Variants in TENM3 observed in about 807,000 individuals in gnomAD.
The protein encoded by TENM3 is teneurin-3.
In TENM3, 63 loss-of-function variants were observed where a neutral mutation model predicts 255.1. The observed-to-expected ratio is 0.25, with a 90% confidence interval of 0.20 to 0.30. The LOEUF (loss-of-function observed/expected upper bound fraction) is 0.30, where lower values mean the gene tolerates loss of function less well. Among genes scored for constraint, TENM3 ranks in the 10% least tolerant of loss-of-function variants. The probability of loss-of-function intolerance (pLI) is 1.00; values close to 1 mark genes in which losing one functional copy is unlikely to be tolerated. For synonymous variants in TENM3, 1,306 were observed against 1,322.3 expected (o/e 0.99, Z 0.27); for missense variants, 2,929 against 3,461.1 (o/e 0.85, Z 3.86).
the TENM3 span, among the ~76,000 whole-genome samples, chr4:181,766,699 C>G: frequency 6.6e-6 from 1 of 150,690 alleles, no homozygotes; most frequent in African/African-American, 2.4e-5. Flanking sequence ...AACACTGTAC[C>G]AACAGAAGGG....
the TENM3 span, among the ~76,000 whole-genome samples, chr4:182,073,773 AG>A: frequency 6.6e-6 from 1 of 152,140 alleles, no homozygotes; most frequent in Non-Finnish European, 1.5e-5. Flanking sequence ...TCCTTACCCC[AG>A]GGAGAAATTG....
At chr4:182,009,939 G>GA in the TENM3 span, among the ~76,000 whole-genome samples, 1 of 151,896 alleles carries the variant, frequency 6.6e-6, no homozygotes, top group Non-Finnish European at 1.5e-5. Context: ...CCTTGGCTGG[G>GA]GGGAGGGGGT....
At chr4:181,460,290 G>T in the TENM3 span, among the ~76,000 whole-genome samples, 2 of 151,902 alleles carry the variant, frequency 1.3e-5, no homozygotes, top group Non-Finnish European at 2.9e-5. Flanking sequence ...TTCCAAACGT[G>T]CTAGGGTTAA....
intron 5 of TENM3, among the ~76,000 whole-genome samples, chr4:182,640,138 T>TA (rs1752175216): frequency 6.6e-6 from 1 of 152,182 alleles, no homozygotes; most frequent in Admixed American, 6.5e-5. Context: ...CATATCAAGA[T>TA]ACACTGATTT....
At chr4:182,715,191 A>G (rs750607604) in intron 13 of TENM3, among the ~76,000 whole-genome samples, 11 of 152,162 alleles carry the variant, frequency 7.2e-5, no homozygotes, top group Admixed American at 3.9e-4. Flanking sequence ...CCAGCTGTTC[A>G]GTTTTGACAT....
At chr4:182,582,151 T>C (rs1321342196) in intron 3 of TENM3, among the ~76,000 whole-genome samples, 1 of 152,226 alleles carries the variant, frequency 6.6e-6, no homozygotes, top group African/African-American at 2.4e-5. Flanking sequence ...CTTTGCTGGA[T>C]AGCACTCTGA....
At chr4:182,270,195 C>T (rs1049206271) in intron 1 of TENM3, among the ~76,000 whole-genome samples, 3 of 152,212 alleles carry the variant, frequency 2.0e-5, no homozygotes, top group African/African-American at 7.2e-5. Flanking sequence ...CTCTTCAGAC[C>T]TTAGAAGGTA....
At position 182,280,046 on chromosome 4, in the gene TENM3, C is replaced by A. The variant is rs542716600; in HGVS notation, c.-76+36570C>A. The stretch of plus-strand genomic sequence containing the variant: ...AGCCATGGGTAGAATTTTTCCTGAA[C>A]ATTTTCTCAGAGATTGGAGTGTCCT... On this transcript the variant is annotated intron_variant, in intron 1 of 27. Coordinates refer to ENST00000511685, the MANE Select transcript of TENM3 (RefSeq NM_001080477.4). Among the ~76,000 whole-genome samples the A allele has an allele frequency of 3.3e-5, 5 of 152,290 alleles. No homozygotes were observed. The South Asian group carries it at 1.0e-3, about 32-fold the overall frequency.
At chr4:182,761,312 G>A (rs1444364764) in intron 22 of TENM3, among the ~76,000 whole-genome samples, 2 of 152,002 alleles carry the variant, frequency 1.3e-5, no homozygotes, top group Non-Finnish European at 2.9e-5. Flanking sequence ...CCAGCTACTC[G>A]GGAGGCTGAG....
chr4:181,526,727 G>A, the TENM3 span, among the ~76,000 whole-genome samples: 10 of 152,200 alleles, frequency 6.6e-5, no homozygotes, highest in South Asian at 2.1e-3. Flanking sequence ...TATAGGATTG[G>A]TTAAGAGGAA....
upstream of TENM3, among the ~76,000 whole-genome samples, chr4:182,239,184 C>T (rs1757090422): frequency 6.6e-6 from 1 of 151,816 alleles, no homozygotes; most frequent in African/African-American, 2.4e-5. Context: ...TCAAGTGATT[C>T]TCCTGTCTTA....
chr4:182,402,533 C>T (rs899030320), intron 3 of TENM3, among the ~76,000 whole-genome samples: 3 of 152,056 alleles, frequency 2.0e-5, no homozygotes, highest in African/African-American at 7.2e-5. Flanking sequence ...ACATTCATGG[C>T]CCAAAATAAA....
intron 1 of TENM3, among the ~76,000 whole-genome samples, chr4:182,245,818 C>T (rs1338574141): frequency 6.6e-6 from 1 of 152,160 alleles, no homozygotes; most frequent in Non-Finnish European, 1.5e-5. Context: ...TTAACTTTTC[C>T]GTTGATGAGC....
the TENM3 span, among the ~76,000 whole-genome samples, chr4:181,951,148 A>C: frequency 1.3e-5 from 2 of 152,346 alleles, no homozygotes; most frequent in South Asian, 2.1e-4. Flanking sequence ...TTTCTTTATT[A>C]ATTTCCCACA....
the TENM3 span, among the ~76,000 whole-genome samples, chr4:181,541,936 G>A: frequency 2.0e-5 from 3 of 152,210 alleles, no homozygotes; most frequent in South Asian, 2.1e-4. Context: ...GAAATTGGAA[G>A]TTGTGTCAAA....
the TENM3 span, among the ~76,000 whole-genome samples, chr4:181,843,844 C>G: frequency 1.3e-5 from 2 of 151,604 alleles, no homozygotes; most frequent in African/African-American, 4.9e-5. Context: ...CTTAGCCTCC[C>G]AAGTATCTGG....
chr4:181,600,349 G>T, the TENM3 span, among the ~76,000 whole-genome samples: 1 of 152,108 alleles, frequency 6.6e-6, no homozygotes, highest in African/African-American at 2.4e-5. Flanking sequence ...GCTCGCACAT[G>T]GTTATCTCAT....
At chr4:182,284,149 G>A (rs890884039) in intron 1 of TENM3, among the ~76,000 whole-genome samples, 7 of 152,238 alleles carry the variant, frequency 4.6e-5, no homozygotes, top group African/African-American at 1.7e-4. Flanking sequence ...AACACTTCAG[G>A]TTAGGGTTTT....
the TENM3 span, among the ~76,000 whole-genome samples, chr4:181,505,810 C>A: frequency 6.6e-6 from 1 of 152,210 alleles, no homozygotes; most frequent in East Asian, 1.9e-4. Flanking sequence ...TAGTAAATTT[C>A]TATATTTTGC....
Sources: gnomAD v4.1 joint callset for allele counts (sites outside exome capture counted in the v4.1 genomes callset) on GRCh38, gnomAD v4.1.1 for gene constraint, MANE v1.5 for transcripts, NCBI Gene and HGNC (gene_info 2026-07-23, HGNC 2026-07-21) for gene names.